CCSER1: variants seen among roughly 807,000 people sequenced by gnomAD.
CCSER1 encodes coiled-coil serine rich protein 1, also known as serine-rich coiled-coil domain-containing protein 1.
CCSER1 carries 41 observed loss-of-function variants against 82.0 expected under a neutral mutation model. The observed-to-expected ratio is 0.50, with a 90% CI of 0.39 to 0.65. The LOEUF is 0.65. Among genes scored for constraint, CCSER1 ranks in the 30% least tolerant of loss-of-function variants. The pLI is 0.00. For synonymous variants in CCSER1, 414 were observed against 383.9 expected, an observed-to-expected ratio of 1.08 and a Z score of -0.92; for missense variants, 1,119 against 1,064.2, an observed-to-expected ratio of 1.05 and a Z score of -0.72.
intron 6 of CCSER1, among the ~76,000 whole-genome samples, chr4:90,687,424 T>G (rs1735020934): frequency 6.6e-6 from 1 of 152,108 alleles, no homozygotes; most frequent in Admixed American, 6.6e-5. Context: ...AAATAGACAC[T>G]TGTTCTTTAG....
At chr4:90,228,506 C>A (rs1320303450) in intron 1 of CCSER1, among the ~76,000 whole-genome samples, 1 of 152,120 alleles carries the variant, frequency 6.6e-6, no homozygotes, top group East Asian at 1.9e-4. Context: ...GTAGATAAAA[C>A]CACCAAGATG....
intron 10 of CCSER1, among the ~76,000 whole-genome samples, chr4:91,155,293 A>G (rs2148963532): frequency 6.6e-6 from 1 of 151,852 alleles, no homozygotes; most frequent in South Asian, 2.1e-4. Context: ...TATAAGGGGG[A>G]GTTCCCCTGC....
chr4:91,138,829 T>A (rs1211573005), intron 10 of CCSER1, among the ~76,000 whole-genome samples: 2 of 151,652 alleles, frequency 1.3e-5, no homozygotes, highest in Non-Finnish European at 2.9e-5. Context: ...AAAAAACACA[T>A]GAAAAAATGC....
At chr4:91,296,483 A>ATTTATTTATT (rs1553921462) in intron 10 of CCSER1, among the ~76,000 whole-genome samples, 10 of 124,050 alleles carry the variant, frequency 8.1e-5, no homozygotes, top group African/African-American at 3.1e-4. Context: ...ATATATATAT[A>ATTTATTTATT]TATTTTAATT....
intron 1 of CCSER1, among the ~76,000 whole-genome samples, chr4:90,238,827 T>C (rs551115918): frequency 1.5e-4 from 23 of 152,270 alleles, no homozygotes; most frequent in Non-Finnish European, 2.8e-4. Context: ...TTTTAAAATA[T>C]TAGCTTGGTG....
intron 7 of CCSER1, among the ~76,000 whole-genome samples, chr4:90,743,248 G>T (rs541417923): frequency 6.6e-6 from 1 of 152,248 alleles, no homozygotes; most frequent in Admixed American, 6.5e-5. Flanking sequence ...GTTAGTGGCT[G>T]ATACATAGCA....
intron 5 of CCSER1, among the ~76,000 whole-genome samples, chr4:90,558,832 T>G (rs1418002039): frequency 2.6e-5 from 4 of 152,280 alleles, no homozygotes; most frequent in African/African-American, 9.6e-5. Flanking sequence ...ATGATTGTTT[T>G]TAAGTGAGCT....
chr4:90,640,984 A>G (rs1043508735), intron 6 of CCSER1, among the ~76,000 whole-genome samples: 7 of 152,116 alleles, frequency 4.6e-5, no homozygotes, highest in African/African-American at 1.4e-4. Context: ...AGCTCTCACA[A>G]TTACTAGGTG....
At chr4:90,548,147 A>G (rs1287342689) in intron 5 of CCSER1, among the ~76,000 whole-genome samples, 4 of 152,100 alleles carry the variant, frequency 2.6e-5, no homozygotes, top group Admixed American at 2.0e-4. Context: ...AAAAAAAATT[A>G]TAATGACTTT....
chr4:91,207,744 C>T (rs1050914255), intron 10 of CCSER1, among the ~76,000 whole-genome samples: 1 of 151,644 alleles, frequency 6.6e-6, no homozygotes, highest in Non-Finnish European at 1.5e-5. Context: ...GGGTATATAC[C>T]CAGTAGTGGT....
intron 6 of CCSER1, among the ~76,000 whole-genome samples, chr4:90,707,477 T>C (rs1318076802): frequency 6.6e-6 from 1 of 151,700 alleles, no homozygotes; most frequent in Admixed American, 6.6e-5. Flanking sequence ...TGCCTTCTCT[T>C]TTCTCTCATA....
chr4:90,305,075 C>T (rs1181252843), intron 1 of CCSER1, among the ~76,000 whole-genome samples: 2 of 152,100 alleles, frequency 1.3e-5, no homozygotes, highest in East Asian at 3.9e-4. Flanking sequence ...CACCACCATG[C>T]CTGGATAATT....
intron 10 of CCSER1, among the ~76,000 whole-genome samples, chr4:91,472,516 T>C (rs1437386582): frequency 6.6e-6 from 1 of 152,244 alleles, no homozygotes; most frequent in Non-Finnish European, 1.5e-5. Context: ...TTCCAAAAGC[T>C]ACTTGTAGAT....
chr4:91,013,132 G>T lies in CCSER1; in HGVS notation c.2173-72818G>T, dbSNP rs181619439. Reference sequence around the variant, plus strand: ...GACTGTATTTGTCAAGGGAACGAAAGATAAGGGCTTCTAATCAACCATTTT... The same window carrying T: ...GACTGTATTTGTCAAGGGAACGAAATATAAGGGCTTCTAATCAACCATTTT... On this transcript the variant is annotated intron_variant, in intron 9 of 10. Transcript: ENST00000509176. 4.0e-3 allele frequency among the ~76,000 whole-genome samples: 539 copies of T among 134,782 alleles called. 28 individuals are homozygous for T. The highest frequency in any genetic ancestry group is 0.013 in the African/African-American group (516 of 40,504). 88.4% of individuals were successfully genotyped at this position (134,782 alleles called of 152,430 possible). A position where few individuals can be genotyped will look rare whatever the true frequency, so the allele number is the denominator to read the frequency against.
chr4:91,564,259 G>T (rs11939394), intron 10 of CCSER1, among the ~76,000 whole-genome samples: 1 of 151,680 alleles, frequency 6.6e-6, no homozygotes, highest in Non-Finnish European at 1.5e-5. Flanking sequence ...ATTCCATGGT[G>T]TATATAGGCC....
At chr4:91,204,156 A>G (rs148428627) in intron 10 of CCSER1, among the ~76,000 whole-genome samples, 108 of 151,968 alleles carry the variant, frequency 7.1e-4, no homozygotes, top group African/African-American at 2.5e-3. Context: ...TATTGTTTTT[A>G]TAAAGCTTAG....
intron 10 of CCSER1, among the ~76,000 whole-genome samples, chr4:91,381,667 A>G (rs184970667): frequency 1.5e-3 from 223 of 152,196 alleles, no homozygotes; most frequent in African/African-American, 5.2e-3. Context: ...CAAGGTTTTT[A>G]GCTTCTTTGT....
chr4:91,424,303 C>T (rs1753852678), intron 10 of CCSER1, among the ~76,000 whole-genome samples: 1 of 151,946 alleles, frequency 6.6e-6, no homozygotes, highest in Non-Finnish European at 1.5e-5. Flanking sequence ...AGGCGTGAGC[C>T]ACCGCGCCCG....
At chr4:90,454,530 C>G (rs1159526419) in intron 4 of CCSER1, among the ~76,000 whole-genome samples, 1 of 152,124 alleles carries the variant, frequency 6.6e-6, no homozygotes, top group Non-Finnish European at 1.5e-5. Context: ...AGGCTTAGTT[C>G]TAGTCCTTCA....
Sources: gnomAD v4.1 joint callset for allele counts (sites outside exome capture counted in the v4.1 genomes callset) on GRCh38, gnomAD v4.1.1 for gene constraint, MANE v1.5 for transcripts, NCBI Gene and HGNC (gene_info 2026-07-23, HGNC 2026-07-21) for gene names.